Variants in NOS1 observed in about 807,000 individuals in gnomAD.
NOS1 encodes nitric oxide synthase 1.
Under a neutral mutation model 164.5 loss-of-function variants are expected in NOS1, and 51 were observed. That is an observed-to-expected ratio of 0.31 (90% CI 0.25 to 0.39). The LOEUF (loss-of-function observed/expected upper bound fraction) is 0.39, where lower values mean the gene tolerates loss of function less well. Ranked by LOEUF, NOS1 falls within the 10% of genes least tolerant of loss-of-function variation. The pLI, the probability that NOS1 is intolerant of heterozygous loss-of-function variation, is 1.00. For missense variants in NOS1, 1,362 were observed against 1,885.6 expected (o/e 0.72, Z 5.14); for synonymous variants, 719 against 745.8 (o/e 0.96, Z 0.59).
At chr12:117,336,141 C>T (rs927349455) in intron 1 of NOS1, among the ~76,000 whole-genome samples, 1 of 152,160 alleles carries the variant, frequency 6.6e-6, no homozygotes, top group Non-Finnish European at 1.5e-5. Context: ...CAACACTATG[C>T]CTCCCTCCTT....
At chr12:117,360,888 G>C (rs1353492600) in intron 1 of NOS1, among the ~76,000 whole-genome samples, 3 of 152,208 alleles carry the variant, frequency 2.0e-5, no homozygotes, top group African/African-American at 7.2e-5. Context: ...CGCACAGCTC[G>C]GAGCCAAGCG....
chr12:117,358,524 T>C (rs1566090247), intron 1 of NOS1, among the ~76,000 whole-genome samples: 1 of 152,254 alleles, frequency 6.6e-6, no homozygotes, highest in Non-Finnish European at 1.5e-5. Context: ...GTTCCCTTCC[T>C]TCCTTACAAT....
At chr12:117,263,757 G>T in intron 13 of NOS1, 132 bp downstream of exon 13, 1 of 662,832 alleles carries the variant, frequency 1.5e-6, no homozygotes, top group East Asian at 2.6e-5. Flanking sequence ...GAAGGCCCAG[G>T]TGGCTGAAGA....
At chr12:117,332,245 T>G (rs1363585136) in intron 1 of NOS1, among the ~76,000 whole-genome samples, 1 of 152,202 alleles carries the variant, frequency 6.6e-6, no homozygotes, top group Non-Finnish European at 1.5e-5. Context: ...CAGACACTTT[T>G]TGAGCACGTT....
At position 117,222,970 on chromosome 12, in the gene NOS1, T is replaced by TAG. The variant is rs931932240; in HGVS notation, c.3827-109_3827-108dup. On this transcript the variant is annotated intron_variant, in intron 25 of 28. Coordinates refer to ENST00000317775, the MANE Select transcript of NOS1 (RefSeq NM_000620.5). ...GAGACCTTAGCGTGTGCCATGCGGA[T>TAG]AGAGGCTCACAAACACTAGGACAGG... 1.5e-5 allele frequency: 20 copies of TAG among 1,308,070 alleles called. No individual in the cohort carries two copies. In the African/African-American group the frequency reaches 2.4e-4, roughly 15 times the overall value. 81.0% of individuals were successfully genotyped at this position (1,308,070 alleles called of 1,614,324 possible). A position where few individuals can be genotyped will look rare whatever the true frequency, so the allele number is the denominator to read the frequency against.
chr12:117,254,540 G>A (rs1335441651), intron 16 of NOS1, among the ~76,000 whole-genome samples: 1 of 152,236 alleles, frequency 6.6e-6, no homozygotes, highest in African/African-American at 2.4e-5. Context: ...AGTGTCTCCA[G>A]ACTTCATTTT....
chr12:117,236,471 A>G (rs952827376), intron 20 of NOS1, among the ~76,000 whole-genome samples: 1 of 152,210 alleles, frequency 6.6e-6, no homozygotes, highest in African/African-American at 2.4e-5. Flanking sequence ...TGGGGAACTT[A>G]GCGACCATAA....
intron 13 of NOS1, among the ~76,000 whole-genome samples, chr12:117,263,338 A>C (rs930699631): frequency 1.3e-5 from 2 of 152,064 alleles, no homozygotes; most frequent in African/African-American, 4.8e-5. Context: ...GTCTGGGTTC[A>C]GTGACTTCCT....
chr12:117,213,263 A>C lies in NOS1; in HGVS notation c.*2046T>G. ...TGGGGAGGCGTCTCCAAAGCTATAA[A>C]GGATTGGAAAGAAAGCCTTTGGGAG... On this transcript the variant is annotated 3_prime_UTR_variant, in exon 29 of 29. Coordinates refer to ENST00000317775, the MANE Select transcript of NOS1 (RefSeq NM_000620.5). The C allele has an allele frequency of 1.0e-6, 1 of 985,476 alleles. No individual in the cohort carries two copies. The highest frequency in any genetic ancestry group is 1.1e-4 in the East Asian group (1 of 8,816). The allele number at this position is 985,476 out of a possible 1,614,324, so 61.0% of individuals were successfully genotyped here.
At chr12:117,344,401 T>G (rs191080486) in intron 1 of NOS1, among the ~76,000 whole-genome samples, 353 of 152,352 alleles carry the variant, frequency 2.3e-3, no homozygotes, top group Admixed American at 3.9e-3. Flanking sequence ...CAGTTCAACT[T>G]AATATTTTGA....
chr12:117,344,119 T>C (rs1284386096), intron 1 of NOS1, among the ~76,000 whole-genome samples: 5 of 152,222 alleles, frequency 3.3e-5, no homozygotes, highest in African/African-American at 4.8e-5. Context: ...TTAGTATGAA[T>C]GTGTAAACTA....
intron 2 of NOS1, among the ~76,000 whole-genome samples, chr12:117,321,009 CTATT>C (rs779024302): frequency 6.6e-6 from 1 of 151,994 alleles, no homozygotes. Context: ...TTGCATGTGT[CTATT>C]TATTTATTTA....
chr12:117,356,322 C>G lies in NOS1; in HGVS notation c.-421+5190G>C, dbSNP rs967154376. On this transcript the variant is annotated intron_variant, in intron 1 of 28. Coordinates refer to ENST00000317775, the MANE Select transcript of NOS1 (RefSeq NM_000620.5). This position sits in a 1 kb window ranked among gnomAD's most constrained non-coding sequence, Gnocchi z 4.2. ...GAGGCCCTCCCTTTCAACCTGGCTGCTGCTGGCCCAGTTTGGCACTGGGGA... is the reference window on the plus strand; with the variant it reads ...GAGGCCCTCCCTTTCAACCTGGCTGGTGCTGGCCCAGTTTGGCACTGGGGA... 1.3e-5 allele frequency among the ~76,000 whole-genome samples: 2 copies of G among 152,212 alleles called. No individual in the cohort carries two copies. Among genetic ancestry groups the G allele is most frequent in the Non-Finnish European group, 2.9e-5 (2 of 68,040 alleles).
intron 16 of NOS1, among the ~76,000 whole-genome samples, chr12:117,257,983 T>G (rs1031312074): frequency 2.6e-5 from 4 of 151,674 alleles, no homozygotes; most frequent in African/African-American, 9.7e-5. Flanking sequence ...TTTTGTATTA[T>G]TAGTAGAGAT....
chr12:117,259,937 G>T lies in NOS1; in HGVS notation c.2367+528C>A, dbSNP rs537065102. On this transcript the variant is annotated intron_variant, in intron 14 of 28. Coordinates refer to ENST00000317775, the MANE Select transcript of NOS1 (RefSeq NM_000620.5). The stretch of plus-strand genomic sequence containing the variant: ...GATCGAGACCATCCTGGCTAACACA[G>T]TGAAGCCCCGTCTCTACTAAAAACA... 2.0e-5 allele frequency among the ~76,000 whole-genome samples: 3 copies of T among 152,078 alleles called. No individual in the cohort carries two copies. In the South Asian group the frequency reaches 6.2e-4, roughly 32 times the overall value.
At chr12:117,278,140 C>A in intron 8 of NOS1, 42 bp from the exon 9 acceptor site, 1 of 1,575,162 alleles carries the variant, frequency 6.3e-7, no homozygotes, top group Admixed American at 1.7e-5. Flanking sequence ...GTACCCCACA[C>A]CCTACAAACA....
Position 117,232,140 on chromosome 12 carries a change from G to A in NOS1, c.3236-9C>T. On this transcript the variant is annotated splice_polypyrimidine_tract_variant and intron_variant, in intron 21 of 28. Transcript: ENST00000317775. ...CCAGTTACTGATGACACCTGTGGAG[G>A]TACAAGGCAGGTGACAGGTGGGTGT... 1 of 1,611,480 alleles carries A rather than the reference G, an allele frequency of 6.2e-7. No homozygotes were observed. The highest frequency in any genetic ancestry group is 8.5e-7 in the Non-Finnish European group (1 of 1,179,702).
intron 22 of NOS1, among the ~76,000 whole-genome samples, chr12:117,230,592 C>T (rs1353911222): frequency 6.6e-6 from 1 of 152,232 alleles, no homozygotes; most frequent in Non-Finnish European, 1.5e-5. Flanking sequence ...GGGGCTTGCT[C>T]ACTGGGAAGG....
At position 117,330,624 on chromosome 12, in the gene NOS1, A is replaced by G. The variant is rs749367596; in HGVS notation, c.446T>C (p.Val149Ala). The change falls in exon 2 of 29, where the codon GTG becomes GCG. Residue 149 changes from valine (V) to alanine (A), a missense_variant. Around this residue, in one of 4 missense-constraint regions of NOS1, gnomAD observed 362 missense variants for 402.0 expected, o/e 0.90. Transcript: ENST00000317775. This position sits in a 1 kb window ranked among gnomAD's most constrained non-coding sequence, Gnocchi z 4.6. ...PPAGKEQPLA[V>A]DGASGPGNGP... ...ATTCCCGGGACCCGAGGCCCCATCC[A>G]CTGCCAGGGGCTGTTCTTTGCCGGC... 6.2e-7 allele frequency: 1 copy of G among 1,611,620 alleles called. No homozygotes were observed. The highest frequency in any genetic ancestry group is 2.2e-5 in the East Asian group (1 of 44,770).
Sources: allele counts gnomAD v4.1 joint callset (sites outside exome capture counted in the v4.1 genomes callset), GRCh38; gene constraint gnomAD v4.1.1; regional missense constraint gnomAD v4.1.1; non-coding constraint Gnocchi (gnomAD v3.1); transcripts MANE v1.5; gene names NCBI Gene and HGNC (gene_info 2026-07-23, HGNC 2026-07-21).